Variants in CHI3L1 observed in about 807,000 individuals in gnomAD.
CHI3L1 encodes chitinase 3 like 1, also known as chitinase-3-like protein 1.
A neutral mutation model predicts 40.7 loss-of-function variants in CHI3L1; 30 were observed. The observed-to-expected ratio is 0.74, with a 90% CI of 0.55 to 1.00. The LOEUF is 1.00. Ranked by LOEUF, CHI3L1 falls within the 50% of genes least tolerant of loss-of-function variation. The probability of loss-of-function intolerance (pLI) is 0.00; values close to 1 mark genes in which losing one functional copy is unlikely to be tolerated. For synonymous variants in CHI3L1, 210 were observed against 192.1 expected, an observed-to-expected ratio of 1.09 and a Z score of -0.77; for missense variants, 493 against 492.2, an observed-to-expected ratio of 1.00 and a Z score of -0.01.
At chr1:203,182,558 T>G (rs1655958167) in intron 6 of CHI3L1, among the ~76,000 whole-genome samples, 173 bp downstream of exon 6, 1 of 152,228 alleles carries the variant, frequency 6.6e-6, no homozygotes, top group African/African-American at 2.4e-5. Context: ...ATGGGGAAAC[T>G]GAGGCACAGG....
chr1:203,180,119 C>A lies in CHI3L1; in HGVS notation c.895-242G>T, dbSNP rs1201471269. On this transcript the variant is annotated intron_variant, in intron 8 of 9. Transcript: ENST00000255409. ...CATTTAAACAGAGATGTGAGGCCTGCTGGTTGACACTGAGGACAGGCCCAA... is the reference window on the plus strand; with the variant it reads ...CATTTAAACAGAGATGTGAGGCCTGATGGTTGACACTGAGGACAGGCCCAA... 2.1e-5 allele frequency: 12 copies of A among 575,712 alleles called. No homozygotes were observed. In the East Asian group the frequency reaches 3.2e-4, roughly 15 times the overall value. 35.7% of individuals were successfully genotyped at this position (575,712 alleles called of 1,614,324 possible). A position where few individuals can be genotyped will look rare whatever the true frequency, so the allele number is the denominator to read the frequency against.
chr1:203,179,459 G>C lies in CHI3L1; in HGVS notation c.1138C>G (p.Leu380Val). The C allele has an allele frequency of 6.5e-7, 1 of 1,541,272 alleles. No individual in the cohort carries two copies. The highest frequency in any genetic ancestry group is 8.7e-7 in the Non-Finnish European group (1 of 1,143,168). The change falls in exon 10 of 10, where the codon CTC becomes GTC. Residue 380 changes from leucine to valine, a missense_variant. Physicochemically the swap from Leu to Val is conservative, Grantham distance 32. Transcript: ENST00000255409. The part of the protein sequence containing the change: ...FPLTNAIKDA[L>V]AAT The stretch of plus-strand genomic sequence containing the variant: ...AGAACAGAGGGCTACGTTGCAGCGA[G>C]TGCATCCTTGATGGCATTGGTGAGA...
rs1344929090 is a variant in CHI3L1 at position 203,179,406 on chromosome 1, G to A, written c.*39C>T. 1.5e-5 allele frequency: 23 copies of A among 1,502,202 alleles called. No individual in the cohort carries two copies. The highest frequency in any genetic ancestry group is 2.0e-5 in the Non-Finnish European group (22 of 1,121,494). 93.1% of individuals were successfully genotyped at this position (1,502,202 alleles called of 1,614,324 possible). On this transcript the variant is annotated 3_prime_UTR_variant, in exon 10 of 10. Coordinates refer to ENST00000255409, the MANE Select transcript of CHI3L1 (RefSeq NM_001276.4). ...GGCCAGCTGGAGCCAGAGGGGGACG[G>A]GGCATCCTTGGCCCCCGTGCTGTGT...
rs770126580 is a variant in CHI3L1, at chr1:203,179,487, G to T, written c.1110C>A (p.Phe370Leu). 4 of 1,566,774 alleles carry T rather than the reference G, an allele frequency of 2.6e-6. No individual in the cohort carries two copies. In the East Asian group the frequency reaches 9.0e-5, roughly 35 times the overall value. Residue 370 changes from phenylalanine to leucine, a missense_variant, in exon 10 of 10, where the codon TTC becomes TTA. Transcript: ENST00000255409. ...CATCCTTGATGGCATTGGTGAGAGG[G>T]AAGCGCAGATCCTGGCCACAGAAGG... is the stretch of plus-strand genomic sequence containing the variant. ...QGSFCGQDLR[F>L]PLTNAIKDAL... is the part of the protein sequence containing the mutation.
In CHI3L1 at chr1:203,183,689, C is replaced by A; in HGVS notation, c.417G>T (p.Trp139Cys). 3 of 1,614,162 alleles carry A rather than the reference C, an allele frequency of 1.9e-6. No individual in the cohort carries two copies. The highest frequency in any genetic ancestry group is 2.5e-6 in the Non-Finnish European group (3 of 1,180,032). ...GTTTGTCTCTCCGTCCAGGGTAGAGCCAGGCAAGGTCCAGCCCATCAAAGC... is the reference window on the plus strand; with the variant it reads ...GTTTGTCTCTCCGTCCAGGGTAGAGACAGGCAAGGTCCAGCCCATCAAAGC... The part of the protein sequence containing the change: ...THGFDGLDLA[W>C]LYPGRRDKQH... Residue 139 changes from tryptophan (W) to cysteine (C), a missense_variant, in exon 5 of 10, where the codon TGG becomes TGT. Transcript: ENST00000255409.
chr1:203,185,330 G>C lies in CHI3L1; in HGVS notation c.111C>G (p.Gly37=). 6.2e-7 allele frequency: 1 copy of C among 1,614,198 alleles called. No homozygotes were observed. The highest frequency in any genetic ancestry group is 8.5e-7 in the Non-Finnish European group (1 of 1,180,028). ...YYTSWSQYRE[G]DGSCFPDALD... is the part of the protein sequence containing the mutation. ...GGGCATCTGGGAAGCAGCTCCCATCGCCTTCCCGGTACTGGGACCAGCTGG... is the reference window on the plus strand; with the variant it reads ...GGGCATCTGGGAAGCAGCTCCCATCCCCTTCCCGGTACTGGGACCAGCTGG... Residue 37 remains glycine, a synonymous_variant, in exon 3 of 10, where the codon GGC becomes GGG. Transcript: ENST00000255409.
intron 6 of CHI3L1, chr1:203,181,746 C>T (rs912643507): frequency 3.1e-5 from 5 of 160,134 alleles, no homozygotes; most frequent in Non-Finnish European, 6.8e-5. Flanking sequence ...ATTGCTGGCA[C>T]ACCTCCCTGT....
rs1278475062 is a variant in CHI3L1 at position 203,183,679 on chromosome 1, C to G, written c.427G>C (p.Gly143Arg). Residue 143 changes from glycine to arginine, a missense_variant, in exon 5 of 10, where the codon GGA becomes CGA. Transcript: ENST00000255409. ...GTAAAATGCTGTTTGTCTCTCCGTCCAGGGTAGAGCCAGGCAAGGTCCAGC... is the reference window on the plus strand; with the variant it reads ...GTAAAATGCTGTTTGTCTCTCCGTCGAGGGTAGAGCCAGGCAAGGTCCAGC... ...DGLDLAWLYP[G>R]RRDKQHFTTL... 6.2e-7 allele frequency: 1 copy of G among 1,614,188 alleles called. No homozygotes were observed. The highest frequency in any genetic ancestry group is 1.1e-5 in the South Asian group (1 of 91,084).
Position 203,179,353 on chromosome 1 carries a change from A to C in CHI3L1, c.*92T>G. 1.7e-6 allele frequency: 2 copies of C among 1,158,876 alleles called. No individual in the cohort carries two copies. The highest frequency in any genetic ancestry group is 2.5e-6 in the Non-Finnish European group (2 of 812,346). 71.8% of individuals were successfully genotyped at this position (1,158,876 alleles called of 1,614,324 possible). ...GAGGGAGACTGAGGCTCAGCCTGGGACTCAGCAGGGCAGGTGATCAGGCTC... is the reference window on the plus strand; with the variant it reads ...GAGGGAGACTGAGGCTCAGCCTGGGCCTCAGCAGGGCAGGTGATCAGGCTC... On this transcript the variant is annotated 3_prime_UTR_variant, in exon 10 of 10. Coordinates refer to ENST00000255409, the MANE Select transcript of CHI3L1 (RefSeq NM_001276.4).
intron 8 of CHI3L1, 80 bp downstream of exon 8, chr1:203,180,390 G>C (rs1383048003): frequency 3.8e-6 from 5 of 1,314,972 alleles, no homozygotes; most frequent in Non-Finnish European, 5.2e-6. Context: ...AGGAGAAAAA[G>C]CAAGAACGTG....
At chr1:203,182,906 G>T in intron 5 of CHI3L1, 54 bp from the exon 6 acceptor site, 1 of 1,597,004 alleles carries the variant, frequency 6.3e-7, no homozygotes, top group South Asian at 1.1e-5. Context: ...ATGAGAGGTA[G>T]ACTCATCGAG....
intron 1 of CHI3L1, 68 bp downstream of exon 1, chr1:203,186,531 G>T (rs1260220956): frequency 8.8e-6 from 14 of 1,590,528 alleles, no homozygotes; most frequent in African/African-American, 1.3e-5. Context: ...GCAGGCAGAT[G>T]GCTCTGCGGG....
Position 203,179,807 on chromosome 1 carries a change from C to A in CHI3L1, c.965G>T (p.Gly322Val). ...GTCGTCGTATCCTACCCACTGGTTG[C>A]CCTTGGTGGCATAGGGGACCTGCTG... The part of the protein sequence containing the change: ...LGQQVPYATK[G>V]NQWVGYDDQE... The change falls in exon 9 of 10, where the codon GGC (glycine) becomes GTC (valine). Residue 322 changes from glycine (G) to valine (V), a missense_variant. By Grantham distance (109) the Gly-to-Val change is moderately radical. Transcript: ENST00000255409. 1 of 1,614,194 alleles carries A rather than the reference C, an allele frequency of 6.2e-7. No homozygotes were observed. Among genetic ancestry groups the A allele is most frequent in the Non-Finnish European group, 8.5e-7 (1 of 1,180,036 alleles).
intron 6 of CHI3L1, 163 bp from the exon 7 acceptor site, chr1:203,181,448 C>T (rs1170531274): frequency 1.6e-6 from 1 of 611,962 alleles, no homozygotes; most frequent in African/African-American, 1.9e-5. Flanking sequence ...TGGTGAAACC[C>T]CGTCTCTACT....
At chr1:203,186,276 C>T (rs773197313) in intron 2 of CHI3L1, 40 bp downstream of exon 2, 27 of 1,565,082 alleles carry the variant, frequency 1.7e-5, no homozygotes, top group Middle Eastern at 1.7e-4. Flanking sequence ...GCCCTCGCCA[C>T]GCCTCTGGAC....
At chr1:203,180,435 G>T in intron 8 of CHI3L1, 35 bp downstream of exon 8, 1 of 1,498,652 alleles carries the variant, frequency 6.7e-7, no homozygotes, top group Non-Finnish European at 8.9e-7. Flanking sequence ...TGCTGGTGGT[G>T]TGGGGGAATC....
intron 5 of CHI3L1, among the ~76,000 whole-genome samples, chr1:203,183,076 C>T (rs61234642): frequency 0.024 from 3,657 of 152,274 alleles, 134 homozygotes; most frequent in African/African-American, 0.081. Context: ...GCACACCCAT[C>T]AGCACTCAAT....
intron 2 of CHI3L1, among the ~76,000 whole-genome samples, 170 bp from the exon 3 acceptor site, chr1:203,185,555 C>T (rs1043090784): frequency 3.3e-5 from 5 of 152,188 alleles, no homozygotes; most frequent in African/African-American, 1.2e-4. Flanking sequence ...GGTCCCCCTG[C>T]CTCTGGGGAG....
At chr1:203,182,915 A>C (rs1198233281) in intron 5 of CHI3L1, 63 bp from the exon 6 acceptor site, 7 of 1,560,054 alleles carry the variant, frequency 4.5e-6, no homozygotes, top group Non-Finnish European at 6.1e-6. Flanking sequence ...AGACTCATCG[A>C]GGGCGGACTA....
Sources: allele counts gnomAD v4.1 joint callset (sites outside exome capture counted in the v4.1 genomes callset), GRCh38; gene constraint gnomAD v4.1.1; transcripts MANE v1.5; gene names NCBI Gene and HGNC (gene_info 2026-07-23, HGNC 2026-07-21).